ERC2: variants seen among roughly 807,000 people sequenced by gnomAD.
The protein encoded by ERC2 is ERC protein 2.
ERC2 carries 42 observed loss-of-function variants against 114.8 expected under a neutral mutation model. The observed-to-expected ratio is 0.37, with a 90% confidence interval of 0.29 to 0.47. The LOEUF is 0.47. Ranked by LOEUF, ERC2 falls within the 20% of genes least tolerant of loss-of-function variation. ERC2 has a pLI of 0.99. For synonymous variants in ERC2, 454 were observed against 425.5 expected (o/e 1.07, Z -0.82); for missense variants, 939 against 1,150.7 (o/e 0.82, Z 2.66).
At chr3:56,196,699 C>T (rs1420523665) in intron 3 of ERC2, among the ~76,000 whole-genome samples, 1 of 152,148 alleles carries the variant, frequency 6.6e-6, no homozygotes, top group Non-Finnish European at 1.5e-5. Context: ...ACTGGCAAGT[C>T]CATTCCTCAT....
At chr3:55,616,984 T>C (rs2059147153) in intron 17 of ERC2, among the ~76,000 whole-genome samples, 1 of 152,170 alleles carries the variant, frequency 6.6e-6, no homozygotes, top group Non-Finnish European at 1.5e-5. Flanking sequence ...CCCTGTATCT[T>C]CATCCCAGGG....
intron 17 of ERC2, among the ~76,000 whole-genome samples, chr3:55,607,614 GT>G (rs367596448): frequency 0.014 from 1,816 of 132,306 alleles, 35 homozygotes; most frequent in African/African-American, 0.041. Flanking sequence ...AAAATAGTGT[GT>G]TTTTTTTTTT....
At chr3:56,214,967 T>C (rs2049351661) in intron 3 of ERC2, among the ~76,000 whole-genome samples, 2 of 152,184 alleles carry the variant, frequency 1.3e-5, no homozygotes, top group South Asian at 4.1e-4. Context: ...TCACCATGCC[T>C]GCCCTAAAAG....
At chr3:55,529,293 A>G (rs1456019101) in intron 17 of ERC2, among the ~76,000 whole-genome samples, 4 of 152,336 alleles carry the variant, frequency 2.6e-5, no homozygotes, top group South Asian at 4.1e-4. Flanking sequence ...GCATATTGCT[A>G]TGAATGTGAG....
chr3:55,733,223 G>C (rs2065369761), intron 15 of ERC2, among the ~76,000 whole-genome samples: 1 of 152,116 alleles, frequency 6.6e-6, no homozygotes, highest in African/African-American at 2.4e-5. Context: ...GGCCAAGTAG[G>C]TGGAAAATCC....
chr3:56,080,014 T>C (rs560441163), intron 7 of ERC2, among the ~76,000 whole-genome samples: 8 of 152,246 alleles, frequency 5.3e-5, no homozygotes, highest in South Asian at 2.1e-4. Flanking sequence ...CGGCCCACCA[T>C]TGATTTCCAC....
intron 2 of ERC2, among the ~76,000 whole-genome samples, chr3:56,409,172 C>T (rs753730167): frequency 4.6e-5 from 7 of 152,180 alleles, no homozygotes; most frequent in Non-Finnish European, 8.8e-5. Context: ...CCTAGGGCTT[C>T]GCATTGTATC....
chr3:55,748,071 A>G (rs2066423479), intron 14 of ERC2, among the ~76,000 whole-genome samples: 2 of 152,202 alleles, frequency 1.3e-5, no homozygotes, highest in Non-Finnish European at 1.5e-5. Context: ...CCACATCTGG[A>G]AAGAATCGCA....
At chr3:56,209,051 C>G (rs573958019) in intron 3 of ERC2, among the ~76,000 whole-genome samples, 3 of 152,134 alleles carry the variant, frequency 2.0e-5, no homozygotes, top group African/African-American at 7.2e-5. Flanking sequence ...TGCTGAACCC[C>G]TTCAAAGGCT....
intron 15 of ERC2, among the ~76,000 whole-genome samples, chr3:55,700,466 G>C (rs1203809528): frequency 1.3e-5 from 2 of 152,210 alleles, no homozygotes; most frequent in Admixed American, 6.5e-5. Flanking sequence ...AAAATGAGAG[G>C]AATAGTGCCT....
At chr3:55,768,449 C>T (rs1236658537) in intron 14 of ERC2, among the ~76,000 whole-genome samples, 1 of 152,156 alleles carries the variant, frequency 6.6e-6, no homozygotes, top group Non-Finnish European at 1.5e-5. Context: ...TAGGTTTTGC[C>T]TTCCTGAAAT....
At chr3:55,983,741 C>A (rs540326446) in intron 12 of ERC2, among the ~76,000 whole-genome samples, 53 of 152,090 alleles carry the variant, frequency 3.5e-4, no homozygotes, top group Non-Finnish European at 5.3e-4. Flanking sequence ...AGACTAGATA[C>A]AATTTTTCTA....
At chr3:56,204,409 A>G (rs1161893797) in intron 3 of ERC2, among the ~76,000 whole-genome samples, 4 of 152,170 alleles carry the variant, frequency 2.6e-5, no homozygotes, top group African/African-American at 4.8e-5. Flanking sequence ...TTTTATTAAG[A>G]GACACACAAA....
intron 5 of ERC2, among the ~76,000 whole-genome samples, chr3:56,148,099 A>T (rs942058925): frequency 2.6e-5 from 4 of 152,192 alleles, no homozygotes; most frequent in Non-Finnish European, 4.4e-5. Flanking sequence ...CAGACAAGGG[A>T]CTAAGGGCTT....
At chr3:56,267,461 G>C (rs533848157) in intron 3 of ERC2, among the ~76,000 whole-genome samples, 1 of 152,044 alleles carries the variant, frequency 6.6e-6, no homozygotes, top group Non-Finnish European at 1.5e-5. Flanking sequence ...GGCAGGAAGC[G>C]GGGACAGTGG....
At chr3:55,663,642 G>T (rs1559467653) in intron 17 of ERC2, among the ~76,000 whole-genome samples, 1 of 152,174 alleles carries the variant, frequency 6.6e-6, no homozygotes, top group Non-Finnish European at 1.5e-5. Context: ...AGTTGGAAAG[G>T]GAGGCAGAAT....
chr3:55,884,536 T>C (rs2063276325), intron 14 of ERC2, among the ~76,000 whole-genome samples: 1 of 152,130 alleles, frequency 6.6e-6, no homozygotes, highest in African/African-American at 2.4e-5. Context: ...TTCAGGTAAA[T>C]TCTGTATAGC....
chr3:55,600,423 A>G (rs1025740780), intron 17 of ERC2, among the ~76,000 whole-genome samples: 8 of 152,204 alleles, frequency 5.3e-5, no homozygotes, highest in African/African-American at 1.9e-4. Context: ...ACACATCAAG[A>G]TGGGCCTCAA....
Position 56,435,082 on chromosome 3 carries a change from G to C in ERC2, c.-75C>G, listed in dbSNP as rs1460095698. Reference sequence around the variant, plus strand: ...TTGGGGTTTGAGCTAATATTTCCACGATTGTCCAGAATTTTCACCGCATTC... The same window carrying C: ...TTGGGGTTTGAGCTAATATTTCCACCATTGTCCAGAATTTTCACCGCATTC... On this transcript the variant is annotated 5_prime_UTR_variant, in exon 2 of 18. It adds an upstream start codon to the 5' untranslated region. Coordinates refer to ENST00000288221, the MANE Select transcript of ERC2 (RefSeq NM_015576.3). 8.6e-7 allele frequency: 1 copy of C among 1,158,642 alleles called. No individual in the cohort carries two copies. The allele number at this position is 1,158,642 out of a possible 1,614,324, so 71.8% of individuals were successfully genotyped here.
Sources: allele counts gnomAD v4.1 joint callset (sites outside exome capture counted in the v4.1 genomes callset), GRCh38; gene constraint gnomAD v4.1.1; transcripts MANE v1.5; gene names NCBI Gene and HGNC (gene_info 2026-07-23, HGNC 2026-07-21).